Variants in UNC5D observed in about 807,000 individuals in gnomAD.
UNC5D encodes the protein unc-5 netrin receptor D.
A neutral mutation model predicts 105.4 loss-of-function variants in UNC5D; 39 were observed. The observed-to-expected ratio is 0.37, with a 90% CI of 0.29 to 0.48. The LOEUF (loss-of-function observed/expected upper bound fraction) is 0.48. Among genes scored for constraint, UNC5D ranks in the 20% least tolerant of loss-of-function variants. The probability of loss-of-function intolerance (pLI) is 0.98; values close to 1 mark genes in which losing one functional copy is unlikely to be tolerated. For synonymous variants in UNC5D, 452 were observed against 450.4 expected, an observed-to-expected ratio of 1.00 and a Z score of -0.04; for missense variants, 991 against 1,202.4, an observed-to-expected ratio of 0.82 and a Z score of 2.60.
In UNC5D at chr8:35,675,820, T is replaced by C. The variant is rs527810306; in HGVS notation, c.571-7727T>C. Among the ~76,000 whole-genome samples, 7 of 152,070 alleles carry C rather than the reference T, an allele frequency of 4.6e-5. No homozygotes were observed. The South Asian group carries it at 1.5e-3, about 32-fold the overall frequency. ...TAACATCACTCTCCTTTTCATTCTTTTATAGAACATTAAGAACAAGAACAG... is the reference window on the plus strand; with the variant it reads ...TAACATCACTCTCCTTTTCATTCTTCTATAGAACATTAAGAACAAGAACAG... On this transcript the variant is annotated intron_variant, in intron 4 of 16. Coordinates refer to ENST00000404895, the MANE Select transcript of UNC5D (RefSeq NM_080872.4).
intron 1 of UNC5D, among the ~76,000 whole-genome samples, chr8:35,448,352 G>A (rs1390800477): frequency 1.3e-5 from 2 of 152,030 alleles, no homozygotes; most frequent in African/African-American, 2.4e-5. Flanking sequence ...TTGCTTTAAA[G>A]GTGATGATGC....
chr8:35,690,954 A>C (rs1053170716), intron 7 of UNC5D, among the ~76,000 whole-genome samples: 1 of 152,160 alleles, frequency 6.6e-6, no homozygotes, highest in Non-Finnish European at 1.5e-5. Context: ...AGGATTCACA[A>C]TGGCATTTCT....
rs550130102 is a variant in UNC5D, at chr8:35,763,612, AC to A, written c.2314-3289del. ...ATAACTCAAATTTCAATTTTAGGAAACAAAAGCCTCCTACTTAGCTTAGCTG... is the reference window on the plus strand; with the variant it reads ...ATAACTCAAATTTCAATTTTAGGAAAAAAAGCCTCCTACTTAGCTTAGCTG... On this transcript the variant is annotated intron_variant, in intron 14 of 16. Coordinates refer to ENST00000404895, the MANE Select transcript of UNC5D (RefSeq NM_080872.4). Among the ~76,000 whole-genome samples, 47 of 152,310 alleles carry A rather than the reference AC, an allele frequency of 3.1e-4. 2 individuals carry two copies. In the South Asian group the frequency reaches 9.7e-3, roughly 32 times the overall value.
chr8:35,691,300 T>C (rs1314559854), intron 7 of UNC5D, among the ~76,000 whole-genome samples: 1 of 152,022 alleles, frequency 6.6e-6, no homozygotes, highest in Non-Finnish European at 1.5e-5. Flanking sequence ...CTGGGCAACA[T>C]AGCAAGACCC....
At chr8:35,678,124 A>G (rs1480432466) in intron 4 of UNC5D, among the ~76,000 whole-genome samples, 1 of 152,148 alleles carries the variant, frequency 6.6e-6, no homozygotes, top group Non-Finnish European at 1.5e-5. Context: ...TAGACCGTAC[A>G]GCAGGGCCAG....
In UNC5D at chr8:35,235,894, G is replaced by T; in HGVS notation, c.103+7G>T. Reference sequence around the variant, plus strand: ...GGGACCGCGGCTGCCCGAGGTAAGCGCTGGGCGGAGCGGGCAGCTGGGGGC... The same window carrying T: ...GGGACCGCGGCTGCCCGAGGTAAGCTCTGGGCGGAGCGGGCAGCTGGGGGC... On this transcript the variant is annotated splice_region_variant and intron_variant, in intron 1 of 16. Transcript: ENST00000404895. 1 of 1,215,962 alleles carries T rather than the reference G, an allele frequency of 8.2e-7. No homozygotes were observed. Among genetic ancestry groups the T allele is most frequent in the Non-Finnish European group, 1.0e-6 (1 of 982,156 alleles). 75.3% of individuals were successfully genotyped at this position (1,215,962 alleles called of 1,614,324 possible).
chr8:35,725,040 C>T (rs1828785861), intron 9 of UNC5D, among the ~76,000 whole-genome samples: 1 of 152,132 alleles, frequency 6.6e-6, no homozygotes, highest in Non-Finnish European at 1.5e-5. Context: ...TAGAGCATCA[C>T]AACAAGAGAT....
chr8:35,429,798 C>A (rs911903090), intron 1 of UNC5D, among the ~76,000 whole-genome samples: 1 of 152,122 alleles, frequency 6.6e-6, no homozygotes, highest in Non-Finnish European at 1.5e-5. Flanking sequence ...TAGTCCCCAG[C>A]CCATGACGAC....
intron 8 of UNC5D, among the ~76,000 whole-genome samples, chr8:35,719,317 A>G (rs1365584396): frequency 7.9e-5 from 12 of 152,204 alleles, no homozygotes; most frequent in Non-Finnish European, 5.9e-5. Context: ...AAAGAAAGCC[A>G]CTGTGTACTC....
intron 1 of UNC5D, among the ~76,000 whole-genome samples, chr8:35,414,301 G>C (rs539608935): frequency 6.6e-6 from 1 of 152,030 alleles, no homozygotes; most frequent in Non-Finnish European, 1.5e-5. Context: ...CCTTAGTGCA[G>C]GATTTTAGTT....
intron 1 of UNC5D, among the ~76,000 whole-genome samples, chr8:35,342,299 A>G (rs1811510553): frequency 6.6e-6 from 1 of 152,106 alleles, no homozygotes; most frequent in Non-Finnish European, 1.5e-5. Context: ...TCCAGTGCTC[A>G]TTCCTATTCG....
At chr8:35,303,655 T>G (rs1247066830) in intron 1 of UNC5D, among the ~76,000 whole-genome samples, 1 of 152,196 alleles carries the variant, frequency 6.6e-6, no homozygotes, top group Non-Finnish European at 1.5e-5. Context: ...CTCTGCTTTT[T>G]GATAATTGTA....
At chr8:35,374,511 G>A (rs1197804526) in intron 1 of UNC5D, among the ~76,000 whole-genome samples, 1 of 152,204 alleles carries the variant, frequency 6.6e-6, no homozygotes, top group Admixed American at 6.5e-5. Context: ...GTAGAGTTAG[G>A]TTGCTCACAG....
In UNC5D at chr8:35,549,517, G is replaced by C. The variant is rs749313898; in HGVS notation, c.322+7G>C. The C allele has an allele frequency of 6.2e-7, 1 of 1,609,844 alleles. No individual in the cohort carries two copies. The highest frequency in any genetic ancestry group is 1.1e-5 in the South Asian group (1 of 90,650). ...ACTCTGGACGAGAGCTCAGGTAGGA[G>C]CGTGCAGCAGTCAGAAGCAGCTGTG... On this transcript the variant is annotated splice_region_variant and intron_variant, in intron 2 of 16. Coordinates refer to ENST00000404895, the MANE Select transcript of UNC5D (RefSeq NM_080872.4).
intron 9 of UNC5D, among the ~76,000 whole-genome samples, chr8:35,722,644 G>A (rs893940604): frequency 1.3e-5 from 2 of 152,184 alleles, no homozygotes; most frequent in Non-Finnish European, 2.9e-5. Flanking sequence ...CATTTTTGAT[G>A]TAGGGTCAGC....
intron 2 of UNC5D, among the ~76,000 whole-genome samples, chr8:35,552,501 A>G (rs373280170): frequency 1.8e-3 from 268 of 152,356 alleles, no homozygotes; most frequent in African/African-American, 6.2e-3. Context: ...CATCCTATAC[A>G]TATAACATTT....
intron 1 of UNC5D, among the ~76,000 whole-genome samples, chr8:35,497,940 A>G (rs1811709052): frequency 6.6e-6 from 1 of 151,946 alleles, no homozygotes. Flanking sequence ...GTAGTGGCAC[A>G]TGCCTGTAAT....
chr8:35,423,679 CA>C (rs1163989573), intron 1 of UNC5D, among the ~76,000 whole-genome samples: 2 of 151,830 alleles, frequency 1.3e-5, no homozygotes, highest in African/African-American at 4.8e-5. Context: ...GTTTTGGAGA[CA>C]AAGCAATTGG....
intron 1 of UNC5D, among the ~76,000 whole-genome samples, chr8:35,267,510 C>G (rs1350113205): frequency 6.6e-6 from 1 of 152,132 alleles, no homozygotes; most frequent in African/African-American, 2.4e-5. Flanking sequence ...GCGATCTCGG[C>G]TCACTGCAAC....
Sources: gnomAD v4.1 joint callset for allele counts (sites outside exome capture counted in the v4.1 genomes callset) on GRCh38, gnomAD v4.1.1 for gene constraint, MANE v1.5 for transcripts, NCBI Gene and HGNC (gene_info 2026-07-23, HGNC 2026-07-21) for gene names.